Variants in ACOXL observed in about 807,000 individuals in gnomAD.
ACOXL encodes acyl-coenzyme A oxidase-like protein.
A neutral mutation model predicts 71.9 loss-of-function variants in ACOXL; 70 were observed. The ratio of observed to expected loss-of-function variants is 0.97; its 90% CI spans 0.80 to 1.19. The LOEUF (loss-of-function observed/expected upper bound fraction) is 1.19. Ranked by LOEUF, ACOXL falls within the 50% of genes most tolerant of loss-of-function variation. The pLI, the probability that ACOXL is intolerant of heterozygous loss-of-function variation, is 0.00. For synonymous variants in ACOXL, 253 were observed against 281.6 expected (o/e 0.90, Z 1.02); for missense variants, 703 against 736.3 (o/e 0.95, Z 0.52).
At chr2:110,787,395 G>A (rs997838327) in intron 3 of ACOXL, among the ~76,000 whole-genome samples, 17 of 151,938 alleles carry the variant, frequency 1.1e-4, no homozygotes, top group Middle Eastern at 3.4e-3. Flanking sequence ...TTAGCCGGGC[G>A]TGGTGGCAGA....
intron 7 of ACOXL, among the ~76,000 whole-genome samples, chr2:110,801,293 G>T (rs1685959782): frequency 6.6e-6 from 1 of 152,198 alleles, no homozygotes. Context: ...CCCTGCCTCT[G>T]TGTTCAGCTT....
intron 11 of ACOXL, among the ~76,000 whole-genome samples, chr2:110,915,350 A>ATATATATATATATATATATG (rs1491355100): frequency 3.8e-4 from 43 of 113,608 alleles, no homozygotes; most frequent in Non-Finnish European, 5.9e-4. Flanking sequence ...ATATATATAT[A>ATATATATATATATATATATG]TGTGTGTGTG....
intron 17 of ACOXL, 104 bp from the exon 18 acceptor site, chr2:111,117,512 G>A: frequency 8.2e-7 from 1 of 1,221,250 alleles, no homozygotes; most frequent in Non-Finnish European, 1.2e-6. Context: ...ACTAGTTTCC[G>A]GGGCCGCTGT....
At chr2:111,059,932 G>T (rs1189457670) in intron 16 of ACOXL, among the ~76,000 whole-genome samples, 2 of 151,876 alleles carry the variant, frequency 1.3e-5, no homozygotes, top group Non-Finnish European at 2.9e-5. Context: ...AGAAAGAGAA[G>T]AAGGAGGAGG....
intron 12 of ACOXL, among the ~76,000 whole-genome samples, chr2:110,964,180 T>A (rs2061830186): frequency 6.6e-6 from 1 of 152,222 alleles, no homozygotes; most frequent in Non-Finnish European, 1.5e-5. Flanking sequence ...TGCATGTTGC[T>A]GTTGAACTGT....
At chr2:110,941,054 G>A (rs996685199) in intron 12 of ACOXL, among the ~76,000 whole-genome samples, 1 of 152,170 alleles carries the variant, frequency 6.6e-6, no homozygotes, top group Non-Finnish European at 1.5e-5. Flanking sequence ...AAGAAAAATT[G>A]TCCACAATAT....
intron 10 of ACOXL, among the ~76,000 whole-genome samples, chr2:110,904,646 A>C (rs2059370918): frequency 6.6e-6 from 1 of 152,214 alleles, no homozygotes; most frequent in South Asian, 2.1e-4. Context: ...TTCCCAAGAG[A>C]AGGGGCACGC....
intron 9 of ACOXL, among the ~76,000 whole-genome samples, chr2:110,816,529 TGG>T (rs1687942090): frequency 6.6e-6 from 1 of 152,240 alleles, no homozygotes; most frequent in Non-Finnish European, 1.5e-5. Context: ...GGTGTGTATC[TGG>T]GCAATGACTG....
intron 12 of ACOXL, among the ~76,000 whole-genome samples, chr2:110,939,120 A>C (rs2060776253): frequency 6.6e-6 from 1 of 152,210 alleles, no homozygotes; most frequent in African/African-American, 2.4e-5. Context: ...TACTCTAAAC[A>C]TAGGGCCCTG....
intron 1 of ACOXL, among the ~76,000 whole-genome samples, chr2:110,760,964 A>G (rs1353384816): frequency 6.6e-6 from 1 of 152,250 alleles, no homozygotes; most frequent in Non-Finnish European, 1.5e-5. Flanking sequence ...CTGGAGTGTC[A>G]AAGGGCAAGA....
chr2:110,961,084 AG>A (rs1401627221), intron 12 of ACOXL, among the ~76,000 whole-genome samples: 1 of 152,214 alleles, frequency 6.6e-6, no homozygotes. Flanking sequence ...TACTTTCAGG[AG>A]ATGGGAAGCA....
intron 11 of ACOXL, among the ~76,000 whole-genome samples, chr2:110,912,263 A>G (rs868681142): frequency 6.6e-6 from 1 of 152,106 alleles, no homozygotes; most frequent in Non-Finnish European, 1.5e-5. Context: ...GAAATTGACA[A>G]GCTGATCCTA....
In ACOXL at chr2:110,808,367, G is replaced by A. The variant is rs1686921013; in HGVS notation, c.753+2972G>A. On this transcript the variant is annotated intron_variant, in intron 9 of 17. Coordinates refer to ENST00000439055, the MANE Select transcript of ACOXL (RefSeq NM_001142807.4). ...GGATGTGTGATTCTGCAGCTCTGGGGTGGGGTGGAGAGTCTGCATTTCTGG... is the reference window on the plus strand; with the variant it reads ...GGATGTGTGATTCTGCAGCTCTGGGATGGGGTGGAGAGTCTGCATTTCTGG... Among the ~76,000 whole-genome samples, 4 of 152,198 alleles carry A rather than the reference G, an allele frequency of 2.6e-5. 1 individual carries two copies. The South Asian group carries it at 6.2e-4, about 24-fold the overall frequency.
At chr2:111,074,142 T>C (rs1439288) in intron 16 of ACOXL, among the ~76,000 whole-genome samples, 49,600 of 151,212 alleles carry the variant, frequency 0.33, 8,450 homozygotes, top group East Asian at 0.44. Flanking sequence ...TTAGGGCATG[T>C]CGGGGGACAT....
chr2:110,775,946 G>A (rs575430810), intron 2 of ACOXL, among the ~76,000 whole-genome samples: 14 of 152,210 alleles, frequency 9.2e-5, no homozygotes, highest in Non-Finnish European at 1.6e-4. Context: ...GGCTCAGAGA[G>A]CTATTTGCAT....
chr2:111,013,978 A>C (rs1198084018), intron 14 of ACOXL, among the ~76,000 whole-genome samples: 1 of 152,244 alleles, frequency 6.6e-6, no homozygotes, highest in Admixed American at 6.5e-5. Flanking sequence ...AACAAAGGAG[A>C]GAGCATATGA....
chr2:111,020,708 C>A (rs1319788277), intron 14 of ACOXL, among the ~76,000 whole-genome samples: 4 of 152,188 alleles, frequency 2.6e-5, no homozygotes, highest in African/African-American at 7.2e-5. Context: ...TAGGAGCCCC[C>A]TTTGTGAACA....
At chr2:110,975,951 A>G (rs1472816641) in intron 12 of ACOXL, among the ~76,000 whole-genome samples, 1 of 152,218 alleles carries the variant, frequency 6.6e-6, no homozygotes, top group African/African-American at 2.4e-5. Flanking sequence ...TCAGTCTAAA[A>G]TCTACAACAT....
intron 12 of ACOXL, among the ~76,000 whole-genome samples, chr2:110,966,890 C>T (rs567719645): frequency 7.9e-5 from 12 of 152,304 alleles, no homozygotes; most frequent in African/African-American, 1.9e-4. Context: ...AGCATGGTGT[C>T]GATGGGACCT....
Sources: gnomAD v4.1 joint callset for allele counts (sites outside exome capture counted in the v4.1 genomes callset) on GRCh38, gnomAD v4.1.1 for gene constraint, MANE v1.5 for transcripts, NCBI Gene and HGNC (gene_info 2026-07-23, HGNC 2026-07-21) for gene names.